Variants in PPP1R36 observed in about 807,000 individuals in gnomAD.
PPP1R36 encodes chromosome 14 open reading frame 50.
Under a neutral mutation model 53.4 loss-of-function variants are expected in PPP1R36, and 47 were observed. The ratio of observed to expected loss-of-function variants is 0.88; its 90% CI spans 0.70 to 1.12. PPP1R36 has a LOEUF of 1.12. PPP1R36 is among the 50% of genes most tolerant of loss of function. The probability of loss-of-function intolerance (pLI) is 0.00; values close to 1 mark genes in which losing one functional copy is unlikely to be tolerated. For synonymous variants in PPP1R36, 153 were observed against 170.5 expected (o/e 0.90, Z 0.80); for missense variants, 456 against 513.9 (o/e 0.89, Z 1.09).
intron 7 of PPP1R36, 108 bp downstream of exon 7, chr14:64,568,555 A>T: frequency 2.0e-6 from 1 of 493,278 alleles, no homozygotes; most frequent in Non-Finnish European, 3.6e-6. Flanking sequence ...TTTGAGATGT[A>T]CTAAGACATT....
intron 6 of PPP1R36, among the ~76,000 whole-genome samples, chr14:64,567,086 C>G (rs1465690797): frequency 1.3e-5 from 2 of 152,188 alleles, no homozygotes; most frequent in Non-Finnish European, 2.9e-5. Context: ...CTGGGGGAAC[C>G]CAGCCTGAGA....
chr14:64,588,181 C>G lies in PPP1R36; in HGVS notation c.968C>G (p.Ser323Cys). The G allele has an allele frequency of 6.2e-7, 1 of 1,614,000 alleles. No homozygotes were observed. The highest frequency in any genetic ancestry group is 8.5e-7 in the Non-Finnish European group (1 of 1,179,904). Residue 323 changes from serine to cysteine, a missense_variant, in exon 11 of 12, where the codon TCT (serine) becomes TGT (cysteine). Transcript: ENST00000298705. ...CCAGTCATGTCTACTCTGCTGCCAT[C>G]TCTCAGAGAAAAAGCTCAAAACGTC... ...RSPVMSTLLP[S>C]LREKAQNVFE...
intron 8 of PPP1R36, 56 bp from the exon 9 acceptor site, chr14:64,586,781 A>T (rs775689101): frequency 1.6e-6 from 2 of 1,227,638 alleles, no homozygotes; most frequent in Non-Finnish European, 2.4e-6. Context: ...AAGGACTAGT[A>T]CCCTGAAAGA....
chr14:64,559,162 G>A (rs2080183566), intron 3 of PPP1R36, among the ~76,000 whole-genome samples: 2 of 152,272 alleles, frequency 1.3e-5, no homozygotes, highest in South Asian at 4.1e-4. Context: ...AGAGAGCCGC[G>A]GCTTTTCCAC....
At chr14:64,571,942 G>A (rs533726238) in intron 7 of PPP1R36, among the ~76,000 whole-genome samples, 2 of 152,070 alleles carry the variant, frequency 1.3e-5, no homozygotes, top group East Asian at 1.9e-4. Flanking sequence ...GGAAAGACCC[G>A]CCACGATGAT....
At chr14:64,550,362 G>A in intron 1 of PPP1R36, 1 of 1,022,340 alleles carries the variant, frequency 9.8e-7, no homozygotes, top group Non-Finnish European at 1.3e-6. Context: ...CTACTGCGGG[G>A]GAAGCAGCCC....
At chr14:64,561,666 T>C in intron 3 of PPP1R36, 3 of 402,456 alleles carry the variant, frequency 7.5e-6, no homozygotes, top group South Asian at 3.7e-5. Flanking sequence ...TCAGCATGCA[T>C]GCCCATTTCT....
chr14:64,577,332 A>G (rs1308085946), intron 8 of PPP1R36, among the ~76,000 whole-genome samples: 1 of 152,160 alleles, frequency 6.6e-6, no homozygotes, highest in African/African-American at 2.4e-5. Context: ...CATTCAGCTC[A>G]TTGCACCATG....
intron 8 of PPP1R36, among the ~76,000 whole-genome samples, chr14:64,584,210 T>TCATTCCGTCA (rs2080414011): frequency 6.6e-6 from 1 of 152,138 alleles, no homozygotes. Context: ...CCTTACCTTC[T>TCATTCCGTCA]CTTCTAATGT....
In PPP1R36 at chr14:64,588,555, ATTTTTT is replaced by A. The variant is rs34440209; in HGVS notation, c.1082+277_1082+282del. 4.5e-4 allele frequency: 68 copies of A among 149,808 alleles called. No individual in the cohort carries two copies. In the East Asian group the frequency reaches 5.5e-3, roughly 12 times the overall value. The allele number at this position is 149,808 out of a possible 1,614,324, so 9.3% of individuals were successfully genotyped here. On this transcript the variant is annotated intron_variant, in intron 11 of 11. Transcript: ENST00000298705. ...TCTAGTTTGGAGGAGTGAGTAACTG[ATTTTTT>A]TTTTTTTTTTTTTTTTGAGACGGAG...
At chr14:64,556,935 C>T (rs1295278497) in intron 3 of PPP1R36, among the ~76,000 whole-genome samples, 2 of 151,760 alleles carry the variant, frequency 1.3e-5, no homozygotes, top group Non-Finnish European at 2.9e-5. Flanking sequence ...CCACTTCAGC[C>T]CCCACTGCGC....
At chr14:64,569,003 A>T (rs1284547518) in intron 7 of PPP1R36, among the ~76,000 whole-genome samples, 2 of 152,196 alleles carry the variant, frequency 1.3e-5, no homozygotes, top group East Asian at 3.8e-4. Context: ...TTCTTGCTAA[A>T]GGGCTTGTAA....
chr14:64,579,427 CCAAAAA>C (rs2080368703), intron 8 of PPP1R36, among the ~76,000 whole-genome samples: 1 of 152,022 alleles, frequency 6.6e-6, no homozygotes, highest in South Asian at 2.1e-4. Context: ...TTCCTGTGAT[CCAAAAA>C]CAGGAAGCTT....
chr14:64,572,893 CA>C (rs950839334), intron 7 of PPP1R36, among the ~76,000 whole-genome samples: 2 of 152,092 alleles, frequency 1.3e-5, no homozygotes, highest in Non-Finnish European at 2.9e-5. Context: ...GAAACAGGCA[CA>C]GGGGTGTGGC....
rs557242969 is a variant in PPP1R36 at position 64,566,630 on chromosome 14, C to T, written c.434+938C>T. Among the ~76,000 whole-genome samples, 5 of 152,272 alleles carry T rather than the reference C, an allele frequency of 3.3e-5. No individual in the cohort carries two copies. The South Asian group carries it at 1.0e-3, about 32-fold the overall frequency. On this transcript the variant is annotated intron_variant, in intron 6 of 11. Transcript: ENST00000298705. ...ATTGTGGGCCCTTTGTATGGCTATGCGTGGCTGTGCCTCACGTGGCCTCAG... is the reference window on the plus strand; with the variant it reads ...ATTGTGGGCCCTTTGTATGGCTATGTGTGGCTGTGCCTCACGTGGCCTCAG...
chr14:64,568,274 A>G, intron 6 of PPP1R36, 75 bp from the exon 7 acceptor site: 1 of 580,444 alleles, frequency 1.7e-6, no homozygotes, highest in Non-Finnish European at 2.9e-6. Context: ...GTGCTCATAT[A>G]TTTTTTATGA....
At chr14:64,572,633 A>G (rs2080311903) in intron 7 of PPP1R36, among the ~76,000 whole-genome samples, 1 of 152,174 alleles carries the variant, frequency 6.6e-6, no homozygotes, top group Admixed American at 6.5e-5. Context: ...TTCCTGGGCT[A>G]GACCCAGACT....
At chr14:64,562,010 C>G (rs2038271) in intron 3 of PPP1R36, 150,219 of 324,572 alleles carry the variant, frequency 0.46, 36,643 homozygotes, top group East Asian at 0.66. Context: ...ATATGAATTT[C>G]TTTCCTGTTT....
At chr14:64,564,995 G>A (rs181546250) in intron 4 of PPP1R36, among the ~76,000 whole-genome samples, 158 bp downstream of exon 4, 106 of 152,278 alleles carry the variant, frequency 7.0e-4, no homozygotes, top group African/African-American at 2.5e-3. Context: ...CATTATGGTG[G>A]GAATTACGAT....
Sources: gnomAD v4.1 joint callset for allele counts (sites outside exome capture counted in the v4.1 genomes callset) on GRCh38, gnomAD v4.1.1 for gene constraint, MANE v1.5 for transcripts, NCBI Gene and HGNC (gene_info 2026-07-23, HGNC 2026-07-21) for gene names.